The following ADH1C variants were observed in gnomAD, a reference collection of about 807,000 sequenced individuals.
The protein encoded by ADH1C is alcohol dehydrogenase 1C (class I), gamma polypeptide, also known as alcohol dehydrogenase 1C.
Under a neutral mutation model 35.0 loss-of-function variants are expected in ADH1C, and 26 were observed. The ratio of observed to expected loss-of-function variants is 0.74; its 90% confidence interval spans 0.54 to 1.03. The LOEUF (loss-of-function observed/expected upper bound fraction) is 1.03. Ranked by LOEUF, ADH1C falls within the 50% of genes least tolerant of loss-of-function variation. The probability of loss-of-function intolerance (pLI) is 0.00; values close to 1 mark genes in which losing one functional copy is unlikely to be tolerated. For synonymous variants in ADH1C, 170 were observed against 169.3 expected (o/e 1.00, Z -0.03); for missense variants, 413 against 465.4 (o/e 0.89, Z 1.04).
intron 8 of ADH1C, among the ~76,000 whole-genome samples, chr4:99,337,711 C>T (rs1734310261): frequency 6.6e-6 from 1 of 152,114 alleles, no homozygotes. Flanking sequence ...TCGGAGTAAT[C>T]ATGGTCAATG....
intron 6 of ADH1C, among the ~76,000 whole-genome samples, chr4:99,341,374 A>G (rs1270692831): frequency 6.6e-6 from 1 of 152,154 alleles, no homozygotes; most frequent in Non-Finnish European, 1.5e-5. Context: ...CTAGGTATAT[A>G]ATGATTAGTT....
intron 8 of ADH1C, among the ~76,000 whole-genome samples, chr4:99,338,809 C>A (rs1734345997): frequency 6.6e-6 from 1 of 150,556 alleles, no homozygotes; most frequent in Non-Finnish European, 1.5e-5. Flanking sequence ...TGTGGGATAG[C>A]AGAAAAATCT....
intron 2 of ADH1C, 46 bp downstream of exon 2, chr4:99,347,699 A>C (rs1789920): frequency 0.29 from 433,850 of 1,517,206 alleles, 66,912 homozygotes; most frequent in Non-Finnish European, 0.31. Flanking sequence ...ATATTTTCTG[A>C]ATTCTTTAAA....
intron 1 of ADH1C, among the ~76,000 whole-genome samples, chr4:99,352,412 A>G (rs1360126205): frequency 6.6e-6 from 1 of 152,190 alleles, no homozygotes; most frequent in African/African-American, 2.4e-5. Context: ...GATTCTATAT[A>G]TTCTTTTTGA....
chr4:99,346,717 C>T (rs1332180876), intron 3 of ADH1C, among the ~76,000 whole-genome samples: 1 of 152,070 alleles, frequency 6.6e-6, no homozygotes, highest in African/African-American at 2.4e-5. Context: ...GAATTCCACA[C>T]TGGTAGGCAC....
At chr4:99,339,520 C>CT in intron 8 of ADH1C, 57 bp downstream of exon 8, 1 of 925,042 alleles carries the variant, frequency 1.1e-6, no homozygotes. Context: ...ACGCCCCCCC[C>CT]CCCCCCGCCG....
At chr4:99,350,354 T>C (rs1734645880) in intron 1 of ADH1C, among the ~76,000 whole-genome samples, 2 of 152,356 alleles carry the variant, frequency 1.3e-5, no homozygotes, top group Admixed American at 6.5e-5. Flanking sequence ...TTTTTGAGAT[T>C]TGCTGCATGT....
chr4:99,343,988 G>T (rs962832431), intron 5 of ADH1C, among the ~76,000 whole-genome samples: 1 of 152,104 alleles, frequency 6.6e-6, no homozygotes, highest in African/African-American at 2.4e-5. Context: ...TACTATGGGG[G>T]ACAACACCAC....
rs934790034 is a variant in ADH1C at position 99,340,424 on chromosome 4, A to G, written c.964+151T>C. On this transcript the variant is annotated intron_variant, in intron 7 of 8. Transcript: ENST00000515683. The stretch of plus-strand genomic sequence containing the variant: ...GCAAGACTTCATCTCCAAAAAATAA[A>G]AAAGAAAAGTTCTGCATTATTGGAG... 5 of 998,376 alleles carry G rather than the reference A, an allele frequency of 5.0e-6. No homozygotes were observed. In the African/African-American group the frequency reaches 8.3e-5, roughly 17 times the overall value. 61.8% of individuals were successfully genotyped at this position (998,376 alleles called of 1,614,324 possible).
chr4:99,338,727 A>C (rs890688272), intron 8 of ADH1C, among the ~76,000 whole-genome samples: 10 of 149,200 alleles, frequency 6.7e-5, no homozygotes, highest in African/African-American at 2.5e-4. Context: ...TTGTCGGATA[A>C]AGTATCTAGT....
intron 1 of ADH1C, among the ~76,000 whole-genome samples, chr4:99,349,592 C>T (rs1263856592): frequency 6.6e-6 from 1 of 152,194 alleles, no homozygotes; most frequent in Non-Finnish European, 1.5e-5. Flanking sequence ...ATACATTTAC[C>T]TTCCTGCTTA....
intron 8 of ADH1C, among the ~76,000 whole-genome samples, chr4:99,337,142 C>T (rs1560534912): frequency 6.6e-6 from 1 of 152,112 alleles, no homozygotes; most frequent in African/African-American, 2.4e-5. Flanking sequence ...TTGTCACATG[C>T]TTCATGCATT....
intron 8 of ADH1C, among the ~76,000 whole-genome samples, chr4:99,339,282 G>A (rs1734357084): frequency 6.6e-6 from 1 of 151,908 alleles, no homozygotes; most frequent in African/African-American, 2.4e-5. Flanking sequence ...GGGGGATGGG[G>A]GCCAAAGTGA....
intron 1 of ADH1C, among the ~76,000 whole-genome samples, chr4:99,348,496 T>C (rs1246931852): frequency 9.3e-5 from 14 of 150,886 alleles, no homozygotes; most frequent in African/African-American, 3.4e-4. Context: ...ATGGTGTATA[T>C]GTGCCACATT....
At chr4:99,340,789 G>T in intron 6 of ADH1C, 79 bp from the exon 7 acceptor site, 1 of 1,582,504 alleles carries the variant, frequency 6.3e-7, no homozygotes, top group Admixed American at 1.7e-5. Flanking sequence ...TCATGTAATA[G>T]GCTTAGCTGG....
At chr4:99,352,547 C>A in intron 1 of ADH1C, 111 bp downstream of exon 1, 1 of 802,416 alleles carries the variant, frequency 1.2e-6, no homozygotes, top group Non-Finnish European at 1.9e-6. Context: ...TATTCATCAT[C>A]TAATTTAGAT....
chr4:99,341,671 A>G (rs1004259750), intron 6 of ADH1C, among the ~76,000 whole-genome samples: 1 of 152,184 alleles, frequency 6.6e-6, no homozygotes, highest in Non-Finnish European at 1.5e-5. Flanking sequence ...AACCTCAGCA[A>G]TGGAAACTTT....
chr4:99,344,799 G>A (rs907795945), intron 5 of ADH1C, 63 bp downstream of exon 5: 2 of 1,583,442 alleles, frequency 1.3e-6, no homozygotes, highest in Non-Finnish European at 1.7e-6. Context: ...GCAAGAAATT[G>A]CTTCCCTTTT....
Position 99,346,998 on chromosome 4 carries a change from TCC to T in ADH1C, c.259+6_259+7del. ...CCAAGGCATGTTCCCTGAGTGTGAA[TCC>T]TGTACCTGGTTTGACTGTAGTCACC... On this transcript the variant is annotated splice_donor_region_variant and intron_variant, in intron 3 of 8. Coordinates refer to ENST00000515683, the MANE Select transcript of ADH1C (RefSeq NM_000669.5). 1 of 1,613,266 alleles carries T rather than the reference TCC, an allele frequency of 6.2e-7. No individual in the cohort carries two copies. The highest frequency in any genetic ancestry group is 8.5e-7 in the Non-Finnish European group (1 of 1,179,638).
Sources: allele counts gnomAD v4.1 joint callset (sites outside exome capture counted in the v4.1 genomes callset), GRCh38; gene constraint gnomAD v4.1.1; transcripts MANE v1.5; gene names NCBI Gene and HGNC (gene_info 2026-07-23, HGNC 2026-07-21).